Variants in SGK3 observed in about 807,000 individuals in gnomAD.
SGK3 encodes the protein serine/threonine-protein kinase Sgk3.
SGK3 carries 47 observed loss-of-function variants against 68.5 expected under a neutral mutation model. The ratio of observed to expected loss-of-function variants is 0.69; its 90% confidence interval spans 0.54 to 0.87. The LOEUF (loss-of-function observed/expected upper bound fraction) is 0.87, where lower values mean the gene tolerates loss of function less well. Ranked by LOEUF, SGK3 falls within the 40% of genes least tolerant of loss-of-function variation. The probability of loss-of-function intolerance (pLI) is 0.00; values close to 1 mark genes in which losing one functional copy is unlikely to be tolerated. For missense variants in SGK3, 479 were observed against 575.5 expected (o/e 0.83, Z 1.72); for synonymous variants, 181 against 189.1 (o/e 0.96, Z 0.35).
intron 1 of SGK3, among the ~76,000 whole-genome samples, chr8:66,717,765 A>G (rs1804679411): frequency 6.6e-6 from 1 of 151,952 alleles, no homozygotes; most frequent in Non-Finnish European, 1.5e-5. Context: ...GTGCAGTGGC[A>G]TGATCTCAGC....
intron 6 of SGK3, among the ~76,000 whole-genome samples, 199 bp from the exon 7 acceptor site, chr8:66,828,455 A>G (rs1354985784): frequency 1.3e-5 from 2 of 152,218 alleles, no homozygotes; most frequent in African/African-American, 2.4e-5. Context: ...GAAAACTACC[A>G]TGAGAAAAAT....
chr8:66,717,236 A>AC (rs917500899), intron 1 of SGK3, among the ~76,000 whole-genome samples: 4 of 116,058 alleles, frequency 3.4e-5, no homozygotes, highest in African/African-American at 1.1e-4. Flanking sequence ...AACAAAAAAA[A>AC]CAAAAAAAAA....
At chr8:66,802,864 A>T (rs1188809413) in intron 3 of SGK3, among the ~76,000 whole-genome samples, 2 of 152,160 alleles carry the variant, frequency 1.3e-5, no homozygotes, top group Non-Finnish European at 2.9e-5. Flanking sequence ...ATAATTACTG[A>T]TACGTGGCCA....
intron 5 of SGK3, among the ~76,000 whole-genome samples, chr8:66,816,369 G>A (rs1364467206): frequency 8.7e-5 from 12 of 137,546 alleles, no homozygotes; most frequent in Admixed American, 2.3e-4. Context: ...TGTGTGAGAC[G>A]GAGTCTTGCT....
chr8:66,717,400 A>G (rs1020402669), intron 1 of SGK3, among the ~76,000 whole-genome samples: 1 of 152,018 alleles, frequency 6.6e-6, no homozygotes, highest in Non-Finnish European at 1.5e-5. Context: ...ATGGTGGCGC[A>G]TGCCTGTAAT....
At position 66,816,337 on chromosome 8, in the gene SGK3, C is replaced by CTTTTTTTTTTT. The variant is rs1177867449; in HGVS notation, c.329+2419_329+2429dup. Among the ~76,000 whole-genome samples the CTTTTTTTTTTT allele has an allele frequency of 1.6e-4, 18 of 114,130 alleles. 1 individual carries two copies. The highest frequency in any genetic ancestry group is 6.0e-4 in the African/African-American group (17 of 28,376). The allele number at this position is 114,130 out of a possible 152,430, so 74.9% of individuals were successfully genotyped here. On this transcript the variant is annotated intron_variant, in intron 5 of 16. Transcript: ENST00000521198. ...TCTTTTTAGCAAAATGTGACATTTC[C>CTTTTTTTTTTT]TTTTTTTTTTTTTTTTTTTTGTGTG...
intron 1 of SGK3, among the ~76,000 whole-genome samples, chr8:66,763,496 G>A (rs1806231103): frequency 6.6e-6 from 1 of 152,076 alleles, no homozygotes. Context: ...GTTCTCCAAG[G>A]AGCCCTAGTT....
At chr8:66,809,504 A>T (rs1389993206) in intron 4 of SGK3, among the ~76,000 whole-genome samples, 1 of 152,214 alleles carries the variant, frequency 6.6e-6, no homozygotes, top group Non-Finnish European at 1.5e-5. Flanking sequence ...AGGTTAGAGC[A>T]CATCAGTATA....
chr8:66,796,941 GTTT>G (rs79807368), intron 2 of SGK3, among the ~76,000 whole-genome samples: 7 of 135,870 alleles, frequency 5.2e-5, no homozygotes, highest in African/African-American at 1.3e-4. Flanking sequence ...ATCTAATCTT[GTTT>G]TTTTTTTTTT....
rs369596952 is a variant in SGK3 at position 66,842,875 on chromosome 8, C to A, written c.979-577C>A. On this transcript the variant is annotated intron_variant, in intron 13 of 16. Transcript: ENST00000521198. The stretch of plus-strand genomic sequence containing the variant: ...CTTGAGCCCAGAAGTTCCAGACCAG[C>A]CTGGGCAACATGGCTAAACCCCCGT... Among the ~76,000 whole-genome samples, 35 of 152,178 alleles carry A rather than the reference C, an allele frequency of 2.3e-4. 1 individual carries two copies. In the East Asian group the frequency reaches 2.3e-3, roughly 10 times the overall value.
At chr8:66,748,310 C>T (rs191951012) in intron 1 of SGK3, among the ~76,000 whole-genome samples, 14 of 152,224 alleles carry the variant, frequency 9.2e-5, no homozygotes, top group Admixed American at 8.5e-4. Flanking sequence ...TATTTATGCT[C>T]GAAGGTTTCT....
At chr8:66,828,967 G>GGTGTGTGT (rs113679632) in intron 7 of SGK3, among the ~76,000 whole-genome samples, 37 of 119,484 alleles carry the variant, frequency 3.1e-4, no homozygotes, top group African/African-American at 8.9e-4. Context: ...GTGGGTGGGG[G>GGTGTGTGT]GTGTGTGTGT....
intron 4 of SGK3, among the ~76,000 whole-genome samples, chr8:66,809,425 C>G (rs1808292548): frequency 6.6e-6 from 1 of 152,094 alleles, no homozygotes; most frequent in Non-Finnish European, 1.5e-5. Flanking sequence ...CAAAAGAACA[C>G]AGGAGCCCAG....
chr8:66,751,074 C>T (rs751749927), intron 1 of SGK3, among the ~76,000 whole-genome samples: 7 of 151,342 alleles, frequency 4.6e-5, no homozygotes, highest in South Asian at 2.1e-4. Flanking sequence ...CTGAGGTGGG[C>T]GGATCACGAG....
intron 4 of SGK3, among the ~76,000 whole-genome samples, chr8:66,809,913 C>T (rs1232425551): frequency 6.6e-6 from 1 of 152,156 alleles, no homozygotes; most frequent in Non-Finnish European, 1.5e-5. Context: ...AGGGGCTTTG[C>T]GTGTCCTTAC....
At chr8:66,820,707 GTTTA>G (rs144310198) in intron 5 of SGK3, among the ~76,000 whole-genome samples, 4,815 of 151,912 alleles carry the variant, frequency 0.032, 84 homozygotes, top group Admixed American at 0.044. Flanking sequence ...TTCCTATTTT[GTTTA>G]TTTATTTTTA....
intron 2 of SGK3, among the ~76,000 whole-genome samples, chr8:66,797,804 A>C (rs964197696): frequency 6.6e-6 from 1 of 152,230 alleles, no homozygotes; most frequent in African/African-American, 2.4e-5. Flanking sequence ...AAGTGGCAAC[A>C]GTTGAATCTA....
intron 1 of SGK3, among the ~76,000 whole-genome samples, chr8:66,776,516 A>G (rs573083757): frequency 6.6e-6 from 1 of 152,378 alleles, no homozygotes; most frequent in African/African-American, 2.4e-5. Flanking sequence ...TCAGAATTGA[A>G]AGGAATCTGA....
rs1251431146 is a variant in SGK3, at chr8:66,840,263, T to TA, written c.891+21dup. On this transcript the variant is annotated intron_variant, in intron 12 of 16. Transcript: ENST00000521198. Reference sequence around the variant, plus strand: ...GGATTCAGTAGTAAGTATTCTCTTTTAAAAATCTACTAGTTCTCAATTTTT... The same window carrying TA: ...GGATTCAGTAGTAAGTATTCTCTTTTAAAAAATCTACTAGTTCTCAATTTTT... 1 of 1,558,378 alleles carries TA rather than the reference T, an allele frequency of 6.4e-7. No individual in the cohort carries two copies. The highest frequency in any genetic ancestry group is 2.3e-5 in the East Asian group (1 of 44,168).
Sources: gnomAD v4.1 joint callset for allele counts (sites outside exome capture counted in the v4.1 genomes callset) on GRCh38, gnomAD v4.1.1 for gene constraint, MANE v1.5 for transcripts, NCBI Gene and HGNC (gene_info 2026-07-23, HGNC 2026-07-21) for gene names.